The following TBC1D19 variants were observed in gnomAD, a reference collection of about 807,000 sequenced individuals.
TBC1D19 encodes the protein TBC1 domain family member 19.
A neutral mutation model predicts 89.0 loss-of-function variants in TBC1D19; 60 were observed. The observed-to-expected ratio is 0.67, with a 90% CI of 0.55 to 0.84. The LOEUF (loss-of-function observed/expected upper bound fraction) is 0.84, where lower values mean the gene tolerates loss of function less well. Among genes scored for constraint, TBC1D19 ranks in the 40% least tolerant of loss-of-function variants. The pLI, the probability that TBC1D19 is intolerant of heterozygous loss-of-function variation, is 0.00. For missense variants in TBC1D19, 500 were observed against 610.8 expected, an observed-to-expected ratio of 0.82 and a Z score of 1.91; for synonymous variants, 189 against 199.7, an observed-to-expected ratio of 0.95 and a Z score of 0.45.
chr4:26,711,461 A>G (rs1398687341), intron 13 of TBC1D19, among the ~76,000 whole-genome samples: 6 of 152,050 alleles, frequency 3.9e-5, no homozygotes, highest in African/African-American at 1.4e-4. Flanking sequence ...GTCATTTCTT[A>G]TGTGCTTTTT....
chr4:26,750,839 C>T (rs557806803), intron 19 of TBC1D19, among the ~76,000 whole-genome samples: 78 of 152,082 alleles, frequency 5.1e-4, no homozygotes, highest in Non-Finnish European at 9.6e-4. Context: ...TTGATTATTT[C>T]GTATACTTTT....
At chr4:26,802,437 C>T in the TBC1D19 span, among the ~76,000 whole-genome samples, 1 of 151,938 alleles carries the variant, frequency 6.6e-6, no homozygotes, top group African/African-American at 2.4e-5. Flanking sequence ...CCCATCTCTA[C>T]TAAAAATACA....
chr4:26,692,850 GAGGA>G (rs1431030612), intron 13 of TBC1D19, among the ~76,000 whole-genome samples: 1 of 152,210 alleles, frequency 6.6e-6, no homozygotes, highest in Non-Finnish European at 1.5e-5. Flanking sequence ...ATTTATGCAT[GAGGA>G]CATTGTTGAA....
chr4:26,582,498 C>T (rs1023503981), upstream of TBC1D19, among the ~76,000 whole-genome samples: 10 of 152,332 alleles, frequency 6.6e-5, no homozygotes, highest in African/African-American at 2.2e-4. Flanking sequence ...CCACTTCTTT[C>T]AATCTCAAAG....
chr4:26,794,371 A>C, the TBC1D19 span, among the ~76,000 whole-genome samples: 1 of 152,294 alleles, frequency 6.6e-6, no homozygotes, highest in African/African-American at 2.4e-5. Context: ...ATAATGAAAG[A>C]ATAAATGAAA....
intron 11 of TBC1D19, among the ~76,000 whole-genome samples, chr4:26,679,531 G>A (rs1713148008): frequency 6.6e-6 from 1 of 152,184 alleles, no homozygotes; most frequent in Non-Finnish European, 1.5e-5. Context: ...CCTCTGGTAG[G>A]GCAGTACAGA....
At chr4:26,611,203 TTGAG>T (rs1388965504) in intron 1 of TBC1D19, among the ~76,000 whole-genome samples, 4 of 152,164 alleles carry the variant, frequency 2.6e-5, no homozygotes, top group African/African-American at 9.7e-5. Flanking sequence ...ATTAGTGACA[TTGAG>T]TATTTTTATA....
chr4:26,669,782 G>T (rs1432182583), intron 9 of TBC1D19, among the ~76,000 whole-genome samples: 1 of 151,582 alleles, frequency 6.6e-6, no homozygotes, highest in East Asian at 1.9e-4. Context: ...TGAAAATTAT[G>T]AATATAAAAC....
At chr4:26,823,837 C>T in the TBC1D19 span, among the ~76,000 whole-genome samples, 3 of 152,202 alleles carry the variant, frequency 2.0e-5, no homozygotes, top group South Asian at 2.1e-4. Flanking sequence ...GAAAGCTTGT[C>T]GTCAGTGTAT....
At chr4:26,655,667 G>A (rs538657024) in intron 7 of TBC1D19, among the ~76,000 whole-genome samples, 13 of 152,334 alleles carry the variant, frequency 8.5e-5, no homozygotes, top group African/African-American at 2.9e-4. Context: ...AGGACCCTCC[G>A]AGCCAGGCAC....
chr4:26,731,902 G>A (rs1291240700), intron 15 of TBC1D19, among the ~76,000 whole-genome samples: 1 of 152,052 alleles, frequency 6.6e-6, no homozygotes, highest in Admixed American at 6.6e-5. Flanking sequence ...ACATAATAAG[G>A]AAGTAAAGGA....
chr4:26,817,138 C>G, the TBC1D19 span, among the ~76,000 whole-genome samples: 6 of 152,174 alleles, frequency 3.9e-5, no homozygotes, highest in Admixed American at 6.5e-5. Context: ...TCTGTTAACA[C>G]AAATTGTGTG....
the TBC1D19 span, among the ~76,000 whole-genome samples, chr4:26,826,845 G>A: frequency 2.0e-5 from 3 of 152,142 alleles, no homozygotes; most frequent in East Asian, 1.9e-4. Flanking sequence ...GGAAAGTGAA[G>A]TGCTATTAGC....
the TBC1D19 span, among the ~76,000 whole-genome samples, chr4:26,839,347 T>C: frequency 5.9e-5 from 9 of 152,232 alleles, no homozygotes; most frequent in Admixed American, 5.2e-4. Context: ...TAAATACTTA[T>C]GATTGAGATC....
At chr4:26,808,219 G>C in the TBC1D19 span, among the ~76,000 whole-genome samples, 3 of 152,212 alleles carry the variant, frequency 2.0e-5, no homozygotes, top group Non-Finnish European at 4.4e-5. Flanking sequence ...TATTGAAGCA[G>C]AAGAATATGG....
chr4:26,806,391 G>A, the TBC1D19 span, among the ~76,000 whole-genome samples: 700 of 152,314 alleles, frequency 4.6e-3, 11 homozygotes, highest in African/African-American at 0.016. Context: ...GTTGCTATGA[G>A]GATCATGAGT....
rs563945063 is a variant in TBC1D19, at chr4:26,675,767, C to T, written c.816+1879C>T. Among the ~76,000 whole-genome samples the T allele has an allele frequency of 2.6e-5, 4 of 152,230 alleles. No individual in the cohort carries two copies. In the South Asian group the frequency reaches 8.3e-4, roughly 32 times the overall value. ...TTGTAGTCATAGTTGAGGAGTTAGA[C>T]ATAAATGGAAGATTCTACATTTCAC... On this transcript the variant is annotated intron_variant, in intron 11 of 20. Coordinates refer to ENST00000264866, the MANE Select transcript of TBC1D19 (RefSeq NM_018317.4).
intron 19 of TBC1D19, among the ~76,000 whole-genome samples, chr4:26,752,794 C>A (rs777850750): frequency 4.6e-5 from 7 of 151,996 alleles, no homozygotes; most frequent in Admixed American, 6.6e-5. Context: ...TTTCCATGTG[C>A]GTATGTTTAA....
intron 16 of TBC1D19, among the ~76,000 whole-genome samples, chr4:26,738,934 C>T (rs1718192339): frequency 6.6e-6 from 1 of 152,206 alleles, no homozygotes; most frequent in Non-Finnish European, 1.5e-5. Context: ...CAGAGCATTA[C>T]CAACAGATTA....
Sources: allele counts gnomAD v4.1 joint callset (sites outside exome capture counted in the v4.1 genomes callset), GRCh38; gene constraint gnomAD v4.1.1; transcripts MANE v1.5; gene names NCBI Gene and HGNC (gene_info 2026-07-23, HGNC 2026-07-21).